The following EIF4G3 variants were observed in gnomAD, a reference collection of about 807,000 sequenced individuals.
EIF4G3 encodes eIF-4-gamma 3.
EIF4G3 carries 34 observed loss-of-function variants against 186.4 expected under a neutral mutation model. That is an observed-to-expected ratio of 0.18 (90% confidence interval 0.14 to 0.24). EIF4G3 has a LOEUF of 0.24. Among genes scored for constraint, EIF4G3 ranks in the 10% least tolerant of loss-of-function variants. EIF4G3 has a pLI of 1.00. For synonymous variants in EIF4G3, 673 were observed against 679.5 expected, an observed-to-expected ratio of 0.99 and a Z score of 0.15; for missense variants, 1,536 against 1,948.5, an observed-to-expected ratio of 0.79 and a Z score of 3.99.
At chr1:21,170,347 A>G (rs1401161742) in intron 2 of EIF4G3, among the ~76,000 whole-genome samples, 2 of 152,046 alleles carry the variant, frequency 1.3e-5, no homozygotes, top group African/African-American at 2.4e-5. Context: ...AATGTCTTAT[A>G]AAGTCAGGCA....
chr1:21,023,005 C>T (rs987559490), intron 4 of EIF4G3, among the ~76,000 whole-genome samples: 25 of 152,238 alleles, frequency 1.6e-4, no homozygotes, highest in African/African-American at 5.8e-4. Context: ...ACATTAGGCA[C>T]GCAAAAACTT....
At chr1:21,128,460 A>C (rs376861272) in intron 2 of EIF4G3, among the ~76,000 whole-genome samples, 2 of 152,108 alleles carry the variant, frequency 1.3e-5, no homozygotes, top group African/African-American at 4.8e-5. Flanking sequence ...CAGTGAGCCA[A>C]GACCGTGCCA....
In EIF4G3 at chr1:20,840,892, T is replaced by A; in HGVS notation, c.4025A>T (p.Gln1342Leu). The change falls in exon 30 of 37, where the codon CAG (glutamine) becomes CTG (leucine). Residue 1342 changes from glutamine to leucine, a missense_variant. This residue lies in a region of EIF4G3 where 395 missense variants were observed against 498.9 expected (regional missense o/e 0.79). Coordinates refer to ENST00000602326, the MANE Select transcript of EIF4G3 (RefSeq NM_001391906.1). ...GTCCTGTTTGCTGAGTTTTTCTGAC[T>A]GTACCAGCTGATAGAGTAATTGGCC... ...HMGQLLYQLV[Q>L]SEKLSKQDFF... 6.2e-7 allele frequency: 1 copy of A among 1,614,198 alleles called. No homozygotes were observed. The highest frequency in any genetic ancestry group is 8.5e-7 in the Non-Finnish European group (1 of 1,180,044).
Position 20,956,634 on chromosome 1 carries a change from A to AAAC in EIF4G3, c.715-6524_715-6523insGTT, listed in dbSNP as rs1350966461. ...ATAATTTACAAAAAAAAAAAAAAAA[A>AAAC]AAACAAGGAGAGCACATCAAACACC... On this transcript the variant is annotated intron_variant, in intron 12 of 36. Transcript: ENST00000602326. 2.0e-5 allele frequency among the ~76,000 whole-genome samples: 3 copies of AAAC among 151,546 alleles called. No individual in the cohort carries two copies. The East Asian group carries it at 5.8e-4, about 29-fold the overall frequency.
chr1:20,814,427 T>C (rs980042921), intron 34 of EIF4G3, among the ~76,000 whole-genome samples: 2 of 152,220 alleles, frequency 1.3e-5, no homozygotes, highest in African/African-American at 4.8e-5. Context: ...AATTATACAG[T>C]GTTATGTACT....
In EIF4G3 at chr1:20,807,097, T is replaced by C. The variant is rs1183620107; in HGVS notation, c.*222A>G. On this transcript the variant is annotated 3_prime_UTR_variant, in exon 37 of 37. Coordinates refer to ENST00000602326, the MANE Select transcript of EIF4G3 (RefSeq NM_001391906.1). ...AAATATTTTCTATAAATAATACATG[T>C]ATTTTGGTTTTAGTGCTCCCGCCCT... The C allele has an allele frequency of 2.8e-6, 1 of 351,710 alleles. No homozygotes were observed. Among genetic ancestry groups the C allele is most frequent in the Non-Finnish European group, 5.0e-6 (1 of 198,070 alleles). The allele number at this position is 351,710 out of a possible 1,614,324, so 21.8% of individuals were successfully genotyped here.
chr1:20,951,860 T>C (rs1054972310), intron 12 of EIF4G3, among the ~76,000 whole-genome samples: 2 of 152,172 alleles, frequency 1.3e-5, no homozygotes, highest in African/African-American at 4.8e-5. Context: ...TTTTTCCATC[T>C]AAAATACCTT....
At chr1:21,141,614 G>C (rs564800552) in intron 2 of EIF4G3, among the ~76,000 whole-genome samples, 39 of 152,116 alleles carry the variant, frequency 2.6e-4, no homozygotes, top group African/African-American at 9.4e-4. Context: ...ATGGTGCAGG[G>C]AATAGAAAAA....
chr1:20,966,313 T>C (rs1167351863), intron 12 of EIF4G3, among the ~76,000 whole-genome samples: 1 of 152,242 alleles, frequency 6.6e-6, no homozygotes, highest in East Asian at 1.9e-4. Context: ...TCTGGATTGA[T>C]GTCAAAATTG....
intron 4 of EIF4G3, among the ~76,000 whole-genome samples, chr1:21,030,872 T>C (rs1232608469): frequency 6.6e-6 from 1 of 152,068 alleles, no homozygotes; most frequent in African/African-American, 2.4e-5. Context: ...CAGTTGCTAT[T>C]GGGAGGCAAA....
chr1:21,052,709 T>C (rs1398947860), intron 3 of EIF4G3, among the ~76,000 whole-genome samples: 2 of 152,162 alleles, frequency 1.3e-5, no homozygotes, highest in Non-Finnish European at 2.9e-5. Context: ...GCCTGCCGAG[T>C]GCCTGCGATT....
intron 4 of EIF4G3, among the ~76,000 whole-genome samples, chr1:21,006,054 T>A (rs1467955129): frequency 6.6e-6 from 1 of 152,094 alleles, no homozygotes; most frequent in East Asian, 1.9e-4. Flanking sequence ...GACAAAGAAA[T>A]TTTGCCAATA....
intron 4 of EIF4G3, among the ~76,000 whole-genome samples, chr1:21,048,267 T>C (rs760620782): frequency 6.6e-6 from 1 of 152,196 alleles, no homozygotes; most frequent in Non-Finnish European, 1.5e-5. Context: ...GAATTTCAAA[T>C]GGAAAACTAA....
chr1:21,126,585 G>C (rs34087664), intron 2 of EIF4G3, among the ~76,000 whole-genome samples: 1,734 of 151,902 alleles, frequency 0.011, 32 homozygotes, highest in Non-Finnish European at 0.014. Flanking sequence ...GATCCCAGGA[G>C]TTTCAGGTTA....
chr1:20,854,747 G>A (rs2074396094), intron 26 of EIF4G3, among the ~76,000 whole-genome samples: 1 of 142,700 alleles, frequency 7.0e-6, no homozygotes, highest in Non-Finnish European at 1.5e-5. Context: ...ATAAATAAAG[G>A]TCTTAATTAA....
At chr1:21,173,222 A>G (rs2103089566) in intron 2 of EIF4G3, among the ~76,000 whole-genome samples, 1 of 138,588 alleles carries the variant, frequency 7.2e-6, no homozygotes, top group East Asian at 2.6e-4. Context: ...TTTGAGGTGG[A>G]GTCTCACTCT....
intron 2 of EIF4G3, among the ~76,000 whole-genome samples, chr1:21,122,290 T>C (rs547388151): frequency 7.0e-6 from 1 of 141,928 alleles, no homozygotes; most frequent in African/African-American, 2.6e-5. Context: ...ATTTTCAAGA[T>C]ATGAAAACTC....
chr1:20,849,289 T>C (rs1332492010), intron 29 of EIF4G3, 126 bp downstream of exon 29: 1 of 483,008 alleles, frequency 2.1e-6, no homozygotes, highest in African/African-American at 2.0e-5. Context: ...CTGAATTGTG[T>C]AGGACTTGTA....
At chr1:20,930,013 TAA>T (rs2095220856) in intron 14 of EIF4G3, among the ~76,000 whole-genome samples, 1 of 152,222 alleles carries the variant, frequency 6.6e-6, no homozygotes. Context: ...CCAGTGCGTA[TAA>T]AAGTTATGTT....
Sources: gnomAD v4.1 joint callset for allele counts (sites outside exome capture counted in the v4.1 genomes callset) on GRCh38, gnomAD v4.1.1 for gene constraint, gnomAD v4.1.1 regional missense constraint, MANE v1.5 for transcripts, NCBI Gene and HGNC (gene_info 2026-07-23, HGNC 2026-07-21) for gene names.